Variants in DTNB observed in about 807,000 individuals in gnomAD.
DTNB encodes the protein DTN-B.
DTNB carries 63 observed loss-of-function variants against 90.7 expected under a neutral mutation model. The observed-to-expected ratio is 0.69, with a 90% confidence interval of 0.57 to 0.86. The LOEUF is 0.86. Ranked by LOEUF, DTNB falls within the 40% of genes least tolerant of loss-of-function variation. DTNB has a pLI of 0.00. For missense variants in DTNB, 744 were observed against 807.1 expected (o/e 0.92, Z 0.95); for synonymous variants, 277 against 286.7 (o/e 0.97, Z 0.34).
chr2:25,394,739 C>T lies in DTNB; in HGVS notation c.1576-6378G>A, dbSNP rs375094491. Among the ~76,000 whole-genome samples the T allele has an allele frequency of 2.0e-4, 31 of 152,098 alleles. 2 individuals are homozygous for T. In the South Asian group the frequency reaches 2.1e-3, roughly 10 times the overall value. On this transcript the variant is annotated intron_variant, in intron 16 of 20. Coordinates refer to ENST00000406818, the MANE Select transcript of DTNB (RefSeq NM_021907.5). ...AAAAAGCTCAAAAAATAATAGATGT[C>T]GGTGTGAATGCAGTGAAAAAGGAAC...
chr2:25,531,630 C>T lies in DTNB; in HGVS notation c.877-33G>A, dbSNP rs762272289. ...AAAGCAGAAAATAGTAAGGAATTAA[C>T]CCTTCAAAAGAATGAAAGGAACTTC... is the stretch of plus-strand genomic sequence containing the variant. On this transcript the variant is annotated intron_variant, in intron 8 of 20. Coordinates refer to ENST00000406818, the MANE Select transcript of DTNB (RefSeq NM_021907.5). The T allele has an allele frequency of 4.4e-6, 7 of 1,591,384 alleles. No individual in the cohort carries two copies. The South Asian group carries it at 8.2e-5, about 19-fold the overall frequency.
chr2:25,540,674 A>T (rs1249390972), intron 8 of DTNB, among the ~76,000 whole-genome samples: 3 of 151,898 alleles, frequency 2.0e-5, no homozygotes, highest in Admixed American at 6.6e-5. Context: ...GACATGGGAG[A>T]CTTTTCATTT....
intron 5 of DTNB, chr2:25,598,914 G>A (rs1314237001): frequency 1.3e-5 from 2 of 152,024 alleles, no homozygotes; most frequent in African/African-American, 4.8e-5. Context: ...TGTTATAAAA[G>A]AAAACGATGA....
chr2:25,668,696 A>G (rs1263627718), intron 1 of DTNB, among the ~76,000 whole-genome samples: 1 of 152,084 alleles, frequency 6.6e-6, no homozygotes, highest in Admixed American at 6.5e-5. Context: ...ATTCAGCCAC[A>G]TTGGTCAAAA....
chr2:25,526,391 A>ATTTTT (rs1312936429), intron 9 of DTNB, among the ~76,000 whole-genome samples: 3 of 64,592 alleles, frequency 4.6e-5, no homozygotes, highest in African/African-American at 2.4e-4. Flanking sequence ...ATATATATAT[A>ATTTTT]TATATTTTTT....
intron 10 of DTNB, among the ~76,000 whole-genome samples, chr2:25,475,113 A>T (rs79363455): frequency 0.044 from 6,777 of 152,298 alleles, 212 homozygotes; most frequent in Non-Finnish European, 0.066. Flanking sequence ...TCTTATTTTA[A>T]ATCAAAAGCT....
At chr2:25,634,470 G>C (rs1355147981) in intron 3 of DTNB, among the ~76,000 whole-genome samples, 13 of 147,210 alleles carry the variant, frequency 8.8e-5, no homozygotes, top group Non-Finnish European at 3.0e-5. Context: ...TCGCCCCGTC[G>C]GGGAGGTGAG....
At chr2:25,415,880 A>G (rs1020785350) in intron 16 of DTNB, among the ~76,000 whole-genome samples, 3 of 152,160 alleles carry the variant, frequency 2.0e-5, no homozygotes, top group African/African-American at 7.2e-5. Flanking sequence ...GTGCCCTTAT[A>G]ATAACCTTTA....
intron 9 of DTNB, among the ~76,000 whole-genome samples, chr2:25,487,456 ATAC>A (rs2066433261): frequency 6.6e-6 from 1 of 152,206 alleles, no homozygotes; most frequent in Non-Finnish European, 1.5e-5. Flanking sequence ...TTATATGCAA[ATAC>A]TATTCTGTTT....
intron 1 of DTNB, chr2:25,673,005 C>T (rs2086426651): frequency 6.5e-6 from 1 of 153,162 alleles, no homozygotes; most frequent in South Asian, 2.1e-4. Flanking sequence ...TCTGCCAGGA[C>T]CTGCCTCACT....
At chr2:25,573,856 C>G (rs997502331) in intron 8 of DTNB, among the ~76,000 whole-genome samples, 1 of 152,168 alleles carries the variant, frequency 6.6e-6, no homozygotes, top group Non-Finnish European at 1.5e-5. Context: ...AGTGACTTAA[C>G]GCAAAGTTCT....
intron 4 of DTNB, among the ~76,000 whole-genome samples, chr2:25,619,964 C>T (rs536685107): frequency 1.2e-4 from 18 of 152,072 alleles, no homozygotes; most frequent in African/African-American, 3.6e-4. Context: ...CACTTGAACC[C>T]GGGAGGCGGA....
At chr2:25,648,306 C>T (rs2079981304) in intron 2 of DTNB, among the ~76,000 whole-genome samples, 1 of 152,116 alleles carries the variant, frequency 6.6e-6, no homozygotes, top group African/African-American at 2.4e-5. Context: ...AGATGTGATA[C>T]TTATTCTCAT....
chr2:25,482,583 C>T (rs1421801067), intron 10 of DTNB, among the ~76,000 whole-genome samples: 1 of 149,626 alleles, frequency 6.7e-6, no homozygotes, highest in Non-Finnish European at 1.5e-5. Flanking sequence ...CCACTGAAAG[C>T]CAAACTTCAG....
chr2:25,539,064 T>C (rs188076606), intron 8 of DTNB, among the ~76,000 whole-genome samples: 3 of 152,362 alleles, frequency 2.0e-5, no homozygotes, highest in African/African-American at 4.8e-5. Flanking sequence ...TCCATTCTGA[T>C]GGATGTAATT....
At chr2:25,602,310 A>G (rs979135906) in intron 5 of DTNB, among the ~76,000 whole-genome samples, 2 of 151,698 alleles carry the variant, frequency 1.3e-5, no homozygotes, top group African/African-American at 4.8e-5. Flanking sequence ...TTTTCCCCTT[A>G]TTCATAAAAT....
At chr2:25,465,726 T>C (rs1558642963) in intron 10 of DTNB, among the ~76,000 whole-genome samples, 1 of 152,168 alleles carries the variant, frequency 6.6e-6, no homozygotes, top group Non-Finnish European at 1.5e-5. Flanking sequence ...CCTCCTCACA[T>C]CATTCAGATT....
At chr2:25,542,060 G>T (rs772690404) in intron 8 of DTNB, among the ~76,000 whole-genome samples, 4 of 152,160 alleles carry the variant, frequency 2.6e-5, no homozygotes, top group Non-Finnish European at 5.9e-5. Context: ...TCCTACCCAT[G>T]GATTACTAAG....
chr2:25,603,258 A>G (rs2066296321), intron 5 of DTNB, among the ~76,000 whole-genome samples: 1 of 152,222 alleles, frequency 6.6e-6, no homozygotes, highest in African/African-American at 2.4e-5. Flanking sequence ...GCATGTTTTA[A>G]TACATAATGG....
Sources: allele counts gnomAD v4.1 joint callset (sites outside exome capture counted in the v4.1 genomes callset), GRCh38; gene constraint gnomAD v4.1.1; transcripts MANE v1.5; gene names NCBI Gene and HGNC (gene_info 2026-07-23, HGNC 2026-07-21).